WWOX: variants seen among roughly 807,000 people sequenced by gnomAD.
The protein encoded by WWOX is WW domain containing oxidoreductase, also known as WW domain-containing oxidoreductase.
Under a neutral mutation model 46.2 loss-of-function variants are expected in WWOX, and 69 were observed. The ratio of observed to expected loss-of-function variants is 1.49; its 90% CI spans 1.23 to 1.82. The LOEUF is 1.82. Ranked by LOEUF, WWOX falls within the 40% of genes most tolerant of loss-of-function variation. The probability of loss-of-function intolerance (pLI) is 0.00; values close to 1 mark genes in which losing one functional copy is unlikely to be tolerated. For missense variants in WWOX, 919 were observed against 542.6 expected (o/e 1.69, Z -6.89); for synonymous variants, 359 against 202.6 (o/e 1.77, Z -6.56).
intron 4 of WWOX, among the ~76,000 whole-genome samples, chr16:78,159,181 C>T (rs898183267): frequency 1.4e-5 from 2 of 146,804 alleles, no homozygotes; most frequent in South Asian, 4.2e-4. Flanking sequence ...GTGTGTCTTC[C>T]ACATTTCCTT....
At chr16:78,814,669 C>T (rs567807903) in intron 8 of WWOX, among the ~76,000 whole-genome samples, 71 of 152,288 alleles carry the variant, frequency 4.7e-4, no homozygotes, top group African/African-American at 1.5e-3. Flanking sequence ...GAGAAACCAG[C>T]GTGACATCCA....
At chr16:79,005,547 G>C (rs567789654) in intron 8 of WWOX, among the ~76,000 whole-genome samples, 2 of 152,216 alleles carry the variant, frequency 1.3e-5, no homozygotes, top group East Asian at 3.9e-4. Context: ...GCCTCTTCCC[G>C]GCCTGTAGGT....
chr16:79,177,702 C>G (rs1567600365), intron 8 of WWOX, among the ~76,000 whole-genome samples: 1 of 152,120 alleles, frequency 6.6e-6, no homozygotes, highest in Non-Finnish European at 1.5e-5. Context: ...GAGCCATATT[C>G]AGTAGTCCCA....
chr16:79,071,684 G>A (rs139413534), intron 8 of WWOX, among the ~76,000 whole-genome samples: 3 of 152,208 alleles, frequency 2.0e-5, no homozygotes, highest in Admixed American at 6.5e-5. Context: ...CTCCTGCCCC[G>A]CATTCCCCTT....
chr16:78,386,763 G>T (rs531780740), intron 5 of WWOX, 97 bp from the exon 6 acceptor site: 1 of 1,083,746 alleles, frequency 9.2e-7, no homozygotes, highest in African/African-American at 1.5e-5. Context: ...TTAAACAGGG[G>T]AATTCCGACA....
At chr16:79,130,266 T>C (rs1325817197) in intron 8 of WWOX, among the ~76,000 whole-genome samples, 3 of 152,226 alleles carry the variant, frequency 2.0e-5, no homozygotes, top group Non-Finnish European at 4.4e-5. Context: ...AATTTCTATA[T>C]AAAGTGCTTA....
intron 8 of WWOX, among the ~76,000 whole-genome samples, chr16:78,709,917 G>C (rs2048403762): frequency 6.6e-6 from 1 of 152,120 alleles, no homozygotes; most frequent in Non-Finnish European, 1.5e-5. Flanking sequence ...TTTTGGTAGA[G>C]ATGGGGTTTC....
At chr16:78,287,901 C>T (rs1183158856) in intron 5 of WWOX, among the ~76,000 whole-genome samples, 2 of 152,120 alleles carry the variant, frequency 1.3e-5, no homozygotes, top group Non-Finnish European at 2.9e-5. Context: ...ACTGGTACAG[C>T]CTTTCTTTCC....
At chr16:78,522,823 G>A (rs2043378685) in intron 8 of WWOX, among the ~76,000 whole-genome samples, 1 of 152,196 alleles carries the variant, frequency 6.6e-6, no homozygotes, top group Admixed American at 6.5e-5. Flanking sequence ...TGTAATCACG[G>A]CACTTTGGGA....
chr16:78,298,037 C>A (rs2079970299), intron 5 of WWOX, among the ~76,000 whole-genome samples: 1 of 152,092 alleles, frequency 6.6e-6, no homozygotes, highest in African/African-American at 2.4e-5. Flanking sequence ...CGGGGCTTTT[C>A]CCCACTTTGC....
intron 8 of WWOX, among the ~76,000 whole-genome samples, chr16:78,513,778 C>G (rs2085420028): frequency 6.6e-6 from 1 of 152,132 alleles, no homozygotes; most frequent in Non-Finnish European, 1.5e-5. Context: ...TAGTATTTTC[C>G]AAACTTACGT....
intron 8 of WWOX, among the ~76,000 whole-genome samples, chr16:78,730,625 T>TTTC (rs1291438554): frequency 6.7e-6 from 1 of 149,616 alleles, no homozygotes; most frequent in East Asian, 2.0e-4. Context: ...CAATTTTTTT[T>TTTC]TTTTTTTTTT....
chr16:78,917,933 G>A (rs1340788850), intron 8 of WWOX, among the ~76,000 whole-genome samples: 2 of 152,136 alleles, frequency 1.3e-5, no homozygotes, highest in Admixed American at 1.3e-4. Context: ...TGGGCGTGGT[G>A]GCTCACACAC....
At chr16:78,671,140 G>A (rs1455622513) in intron 8 of WWOX, among the ~76,000 whole-genome samples, 1 of 152,140 alleles carries the variant, frequency 6.6e-6, no homozygotes, top group Non-Finnish European at 1.5e-5. Context: ...AATTGCTGTT[G>A]GGCCAGGTAC....
At chr16:78,502,770 G>T (rs1285120976) in intron 8 of WWOX, among the ~76,000 whole-genome samples, 1 of 152,166 alleles carries the variant, frequency 6.6e-6, no homozygotes, top group Non-Finnish European at 1.5e-5. Context: ...TCATTGCCAA[G>T]GCCAGCAGAT....
At chr16:78,727,883 G>C (rs893902634) in intron 8 of WWOX, among the ~76,000 whole-genome samples, 2 of 151,854 alleles carry the variant, frequency 1.3e-5, no homozygotes, top group African/African-American at 4.8e-5. Flanking sequence ...ACTCTTAGTA[G>C]TTATCCAGGA....
At chr16:78,966,725 G>A (rs540816652) in intron 8 of WWOX, among the ~76,000 whole-genome samples, 8 of 152,290 alleles carry the variant, frequency 5.3e-5, no homozygotes, top group Admixed American at 2.0e-4. Flanking sequence ...TAAATATATT[G>A]CAAAACTCTT....
chr16:78,266,512 C>T (rs1257491536), intron 5 of WWOX, among the ~76,000 whole-genome samples: 1 of 152,172 alleles, frequency 6.6e-6, no homozygotes, highest in East Asian at 1.9e-4. Flanking sequence ...TTATTTGTCC[C>T]TTCCCTCTGA....
At chr16:78,170,417 A>C (rs1258418615) in intron 5 of WWOX, among the ~76,000 whole-genome samples, 2 of 152,218 alleles carry the variant, frequency 1.3e-5, no homozygotes, top group African/African-American at 4.8e-5. Flanking sequence ...GCTCAATTAA[A>C]TGTTAGCTGC....
Sources: allele counts gnomAD v4.1 joint callset (sites outside exome capture counted in the v4.1 genomes callset), GRCh38; gene constraint gnomAD v4.1.1; transcripts MANE v1.5; gene names NCBI Gene and HGNC (gene_info 2026-07-23, HGNC 2026-07-21).